NCAM2: variants seen among roughly 807,000 people sequenced by gnomAD.
NCAM2 encodes the protein N-CAM-2.
In NCAM2, 30 loss-of-function variants were observed where a neutral mutation model predicts 98.1. The observed-to-expected ratio is 0.31, with a 90% CI of 0.23 to 0.41. The LOEUF (loss-of-function observed/expected upper bound fraction) is 0.41. Among genes scored for constraint, NCAM2 ranks in the 10% least tolerant of loss-of-function variants. The probability of loss-of-function intolerance (pLI) is 1.00; values close to 1 mark genes in which losing one functional copy is unlikely to be tolerated. For synonymous variants in NCAM2, 368 were observed against 342.4 expected (o/e 1.07, Z -0.83); for missense variants, 867 against 1,005.8 (o/e 0.86, Z 1.87).
chr21:21,402,306 T>TG lies in NCAM2; in HGVS notation c.1196-7962dup, dbSNP rs1377857108. On this transcript the variant is annotated intron_variant, in intron 9 of 17. Coordinates refer to ENST00000400546, the MANE Select transcript of NCAM2 (RefSeq NM_004540.5). ...GACCCTAGGAAAAGAATTGCATTCC[T>TG]GGGGGGAGGTCTATAAACGGCCACT... is the stretch of plus-strand genomic sequence containing the variant. 5.9e-5 allele frequency among the ~76,000 whole-genome samples: 9 copies of TG among 152,114 alleles called. No homozygotes were observed. In the East Asian group the frequency reaches 1.4e-3, roughly 23 times the overall value.
intron 15 of NCAM2, among the ~76,000 whole-genome samples, chr21:21,484,021 A>T (rs867959561): frequency 2.2e-4 from 33 of 152,134 alleles, no homozygotes; most frequent in African/African-American, 8.0e-4. Context: ...ACATTGTGGG[A>T]TATATTGAGA....
intron 1 of NCAM2, among the ~76,000 whole-genome samples, chr21:21,264,915 T>C (rs1415866447): frequency 1.6e-5 from 2 of 129,002 alleles, no homozygotes; most frequent in Non-Finnish European, 3.4e-5. Context: ...TATACACATA[T>C]ATTAGATATA....
chr21:21,294,419 A>C (rs561877315), intron 5 of NCAM2, among the ~76,000 whole-genome samples: 1 of 151,984 alleles, frequency 6.6e-6, no homozygotes, highest in Non-Finnish European at 1.5e-5. Flanking sequence ...TCATGCAAAT[A>C]ATTCCTGTTT....
intron 1 of NCAM2, among the ~76,000 whole-genome samples, chr21:21,263,801 C>T (rs749520678): frequency 1.8e-4 from 28 of 152,012 alleles, no homozygotes; most frequent in Admixed American, 7.2e-4. Flanking sequence ...ACAGGCTAAA[C>T]GTATGCAGAA....
intron 1 of NCAM2, among the ~76,000 whole-genome samples, chr21:21,031,665 A>C (rs2064685752): frequency 6.6e-6 from 1 of 152,228 alleles, no homozygotes; most frequent in African/African-American, 2.4e-5. Context: ...ATGGACGTTG[A>C]TTTGACAAGC....
chr21:21,454,108 A>G (rs930099026), intron 12 of NCAM2, among the ~76,000 whole-genome samples: 2 of 152,086 alleles, frequency 1.3e-5, no homozygotes, highest in Non-Finnish European at 2.9e-5. Flanking sequence ...AAATATATAT[A>G]TAGACACACA....
At position 21,336,594 on chromosome 21, in the gene NCAM2, G is replaced by A. The variant is rs185710702; in HGVS notation, c.898+929G>A. Among the ~76,000 whole-genome samples, 869 of 152,152 alleles carry A rather than the reference G, an allele frequency of 5.7e-3. 8 individuals carry two copies. The highest frequency in any genetic ancestry group is 0.02 in the African/African-American group (831 of 41,528). On this transcript the variant is annotated intron_variant, in intron 7 of 17. Coordinates refer to ENST00000400546, the MANE Select transcript of NCAM2 (RefSeq NM_004540.5). ...AAAAGAAGGACCAGTGTTTGCAGTT[G>A]ACAGGTGCAGAGTGCCCCTTACACT...
chr21:21,362,394 T>C (rs899600809), intron 8 of NCAM2, among the ~76,000 whole-genome samples: 2 of 60,560 alleles, frequency 3.3e-5, no homozygotes, highest in African/African-American at 6.4e-5. Context: ...ATATTCTACT[T>C]TTTTTTTTTT....
chr21:21,257,942 A>C (rs1288403260), intron 1 of NCAM2, among the ~76,000 whole-genome samples: 1 of 152,242 alleles, frequency 6.6e-6, no homozygotes, highest in Non-Finnish European at 1.5e-5. Flanking sequence ...GGTGAGATCC[A>C]CATATGTAGG....
chr21:21,347,865 A>G (rs1255536145), intron 8 of NCAM2, among the ~76,000 whole-genome samples: 4 of 152,184 alleles, frequency 2.6e-5, no homozygotes, highest in Non-Finnish European at 4.4e-5. Context: ...TAAAAACCAT[A>G]TGATCATTTC....
At chr21:21,268,444 G>A (rs2072367927) in intron 1 of NCAM2, among the ~76,000 whole-genome samples, 1 of 152,180 alleles carries the variant, frequency 6.6e-6, no homozygotes, top group Non-Finnish European at 1.5e-5. Context: ...CTTCCTTGCA[G>A]TGTTTAACGT....
Position 21,497,679 on chromosome 21 carries a change from C to A in NCAM2, c.2078-11172C>A, listed in dbSNP as rs1019364033. ...ATCATTAGAGAATGGAGACTCAGTA[C>A]TGAAGAATAAGTGTTGGGAAATACA... is the stretch of plus-strand genomic sequence containing the variant. On this transcript the variant is annotated intron_variant, in intron 15 of 17. Transcript: ENST00000400546. Among the ~76,000 whole-genome samples the A allele has an allele frequency of 2.0e-5, 3 of 152,114 alleles. No homozygotes were observed. In the East Asian group the frequency reaches 5.8e-4, roughly 29 times the overall value.
intron 1 of NCAM2, among the ~76,000 whole-genome samples, chr21:21,215,458 G>T (rs903682532): frequency 6.6e-6 from 1 of 152,120 alleles, no homozygotes; most frequent in Non-Finnish European, 1.5e-5. Context: ...GTATATGTGT[G>T]CCTGTAATCC....
At chr21:21,286,468 A>C in intron 4 of NCAM2, 56 bp downstream of exon 4, 1 of 1,527,336 alleles carries the variant, frequency 6.5e-7, no homozygotes. Context: ...GCAGTTTTTA[A>C]AAATCTGAAT....
chr21:21,021,163 G>A lies in NCAM2; in HGVS notation c.55+22545G>A, dbSNP rs139308718. The stretch of plus-strand genomic sequence containing the variant: ...AATGGGAAACTATACTTAAGCAAAT[G>A]CATTCTTTTTCTATGGATCATTTTT... On this transcript the variant is annotated intron_variant, in intron 1 of 17. Coordinates refer to ENST00000400546, the MANE Select transcript of NCAM2 (RefSeq NM_004540.5). Among the ~76,000 whole-genome samples the A allele has an allele frequency of 4.1e-4, 63 of 151,894 alleles. No individual in the cohort carries two copies. The East Asian group carries it at 0.01, about 24-fold the overall frequency.
chr21:21,142,432 G>A (rs2067188749), intron 1 of NCAM2, among the ~76,000 whole-genome samples: 1 of 142,026 alleles, frequency 7.0e-6, no homozygotes, highest in South Asian at 2.2e-4. Flanking sequence ...AGGCTGGAGT[G>A]CAGTGGCGCA....
intron 1 of NCAM2, among the ~76,000 whole-genome samples, chr21:21,125,180 T>C (rs1160330118): frequency 6.6e-6 from 1 of 151,672 alleles, no homozygotes; most frequent in Non-Finnish European, 1.5e-5. Context: ...TAATGTCACA[T>C]TAGTGGCTGG....
intron 1 of NCAM2, among the ~76,000 whole-genome samples, chr21:21,105,180 G>A (rs891526014): frequency 2.0e-5 from 3 of 152,096 alleles, no homozygotes; most frequent in African/African-American, 7.2e-5. Flanking sequence ...AATAGATAAT[G>A]AACACAAAAC....
chr21:21,204,684 A>G (rs2069367696), intron 1 of NCAM2, among the ~76,000 whole-genome samples: 1 of 152,136 alleles, frequency 6.6e-6, no homozygotes, highest in African/African-American at 2.4e-5. Context: ...CTTTATTTGA[A>G]AGAACCTTTA....
Sources: allele counts gnomAD v4.1 joint callset (sites outside exome capture counted in the v4.1 genomes callset), GRCh38; gene constraint gnomAD v4.1.1; transcripts MANE v1.5; gene names NCBI Gene and HGNC (gene_info 2026-07-23, HGNC 2026-07-21).